Variants in C5 observed in about 807,000 individuals in gnomAD.
The protein encoded by C5 is complement C5.
C5 carries 140 observed loss-of-function variants against 218.8 expected under a neutral mutation model. The ratio of observed to expected loss-of-function variants is 0.64; its 90% CI spans 0.56 to 0.74. C5 has a LOEUF of 0.74. Ranked by LOEUF, C5 falls within the 30% of genes least tolerant of loss-of-function variation. The pLI, the probability that C5 is intolerant of heterozygous loss-of-function variation, is 0.00. For missense variants in C5, 1,700 were observed against 1,969.6 expected, an observed-to-expected ratio of 0.86 and a Z score of 2.59; for synonymous variants, 614 against 682.3, an observed-to-expected ratio of 0.90 and a Z score of 1.56.
intron 27 of C5, among the ~76,000 whole-genome samples, chr9:120,980,659 C>T (rs13290556): frequency 0.14 from 21,570 of 152,040 alleles, 1,941 homozygotes; most frequent in African/African-American, 0.24. Context: ...GCTGCGATCT[C>T]GGCTCACTGC....
At position 120,974,801 on chromosome 9, in the gene C5, T is replaced by G; in HGVS notation, c.3995A>C (p.Asn1332Thr). Residue 1332 changes from asparagine (N) to threonine (T), a missense_variant, in exon 30 of 41, where the codon AAT (asparagine) becomes ACT (threonine). By Grantham distance (65) the Asn-to-Thr change is moderately conservative (BLOSUM62 0). Coordinates refer to ENST00000223642, the MANE Select transcript of C5 (RefSeq NM_001735.3). ...TACCTCTACTGGCCTCCCAAGGAAATTCTTGTCTGTCATTTTATAATTATG... is the reference window on the plus strand; with the variant it reads ...TACCTCTACTGGCCTCCCAAGGAAAGTCTTGTCTGTCATTTTATAATTATG... ...ALHNYKMTDK[N>T]FLGRPVEVLL... is the part of the protein sequence containing the mutation. The G allele has an allele frequency of 3.1e-6, 5 of 1,613,924 alleles. No individual in the cohort carries two copies. Among genetic ancestry groups the G allele is most frequent in the Non-Finnish European group, 4.2e-6 (5 of 1,179,806 alleles).
At chr9:120,995,135 C>G (rs2047106953) in intron 22 of C5, among the ~76,000 whole-genome samples, 1 of 152,092 alleles carries the variant, frequency 6.6e-6, no homozygotes, top group Non-Finnish European at 1.5e-5. Flanking sequence ...CTTTTTATTG[C>G]TCTACTGAAA....
upstream of C5, among the ~76,000 whole-genome samples, chr9:121,053,346 G>A (rs2131834256): frequency 6.6e-6 from 1 of 152,274 alleles, no homozygotes; most frequent in Non-Finnish European, 1.5e-5. Flanking sequence ...TCTACTAAAA[G>A]GCCAACTGAA....
At chr9:121,045,949 T>G (rs1345405304) in intron 2 of C5, among the ~76,000 whole-genome samples, 1 of 152,132 alleles carries the variant, frequency 6.6e-6, no homozygotes, top group African/African-American at 2.4e-5. Flanking sequence ...CAATTTTATT[T>G]TCCAATAAGA....
At position 121,018,252 on chromosome 9, in the gene C5, C is replaced by CAAA. The variant is rs1189613789; in HGVS notation, c.1507-403_1507-401dup. On this transcript the variant is annotated intron_variant, in intron 12 of 40. Transcript: ENST00000223642. ...TGTGCAACAGAGCAAGACTCTGTCT[C>CAAA]AAAAAAAAAAAAAAAAAAAAAAAAA... Among the ~76,000 whole-genome samples, 173 of 42,176 alleles carry CAAA rather than the reference C, an allele frequency of 4.1e-3. 4 individuals are homozygous for CAAA. Among genetic ancestry groups the CAAA allele is most frequent in the African/African-American group, 0.015 (159 of 10,884 alleles). The allele number at this position is 42,176 out of a possible 152,430, so 27.7% of individuals were successfully genotyped here.
intron 20 of C5, among the ~76,000 whole-genome samples, chr9:121,004,744 G>A (rs147150764): frequency 3.9e-5 from 6 of 152,060 alleles, no homozygotes; most frequent in Non-Finnish European, 7.4e-5. Context: ...CTGCACTCCA[G>A]CCTGGGCAAT....
chr9:121,041,297 C>CTTTTTTTTTTTTTTTTTTTTT (rs386416117), intron 3 of C5, among the ~76,000 whole-genome samples: 1 of 72,678 alleles, frequency 1.4e-5, no homozygotes, highest in Non-Finnish European at 2.4e-5. Flanking sequence ...TACATGAAGC[C>CTTTTTTTTTTTTTTTTTTTTT]TTTTTTTTTT....
chr9:120,954,665 C>T (rs979629469), intron 39 of C5, among the ~76,000 whole-genome samples: 6 of 152,170 alleles, frequency 3.9e-5, no homozygotes, highest in African/African-American at 1.2e-4. Flanking sequence ...TCTGATTTAT[C>T]GCTATATATA....
At chr9:121,072,168 C>T in the C5 span, among the ~76,000 whole-genome samples, 1 of 152,130 alleles carries the variant, frequency 6.6e-6, no homozygotes, top group African/African-American at 2.4e-5. Context: ...CAACATGGGA[C>T]CGGTGAGTGC....
chr9:121,042,310 G>T (rs1175303896), intron 3 of C5, among the ~76,000 whole-genome samples: 1 of 152,170 alleles, frequency 6.6e-6, no homozygotes, highest in Non-Finnish European at 1.5e-5. Context: ...ACATGATTTT[G>T]ATTGGCTATT....
intron 21 of C5, among the ~76,000 whole-genome samples, chr9:120,996,954 TA>T (rs1425441823): frequency 2.0e-5 from 3 of 151,818 alleles, no homozygotes; most frequent in African/African-American, 4.8e-5. Flanking sequence ...TAAAATTACA[TA>T]AAAATATTAA....
At chr9:120,953,028 A>G (rs2046757496) in intron 40 of C5, among the ~76,000 whole-genome samples, 160 bp from the exon 41 acceptor site, 1 of 152,106 alleles carries the variant, frequency 6.6e-6, no homozygotes, top group East Asian at 1.9e-4. Flanking sequence ...GGTTCACGCC[A>G]TTCTCCTGCC....
chr9:121,043,152 T>C lies in C5; in HGVS notation c.273A>G (p.Gln91=). ...NSAILTIQPK[Q]LPGGQNPVSY... is the part of the protein sequence containing the mutation. ...AAACTGGGTTTTGTCCTCCAGGCAA[T>C]TGTTTTGGTTGTATCTGGAAAAGAA... is the stretch of plus-strand genomic sequence containing the variant. The change falls in exon 3 of 41, where the codon CAA becomes CAG. Residue 91 remains glutamine, a synonymous_variant. Transcript: ENST00000223642. 3 of 1,612,610 alleles carry C rather than the reference T, an allele frequency of 1.9e-6. No homozygotes were observed. Among genetic ancestry groups the C allele is most frequent in the South Asian group, 2.2e-5 (2 of 90,970 alleles).
chr9:121,033,804 G>A (rs2047499183), intron 5 of C5, among the ~76,000 whole-genome samples: 1 of 152,174 alleles, frequency 6.6e-6, no homozygotes, highest in Non-Finnish European at 1.5e-5. Context: ...TTCTAGTGCA[G>A]CCATGTATAG....
intron 17 of C5, among the ~76,000 whole-genome samples, chr9:121,011,360 A>C (rs2047260546): frequency 6.6e-6 from 1 of 152,200 alleles, no homozygotes; most frequent in Non-Finnish European, 1.5e-5. Flanking sequence ...AAATGGCAAA[A>C]AAGCATGTGA....
At chr9:120,971,255 C>T (rs1300437524) in intron 31 of C5, among the ~76,000 whole-genome samples, 2 of 150,960 alleles carry the variant, frequency 1.3e-5, no homozygotes, top group Non-Finnish European at 2.9e-5. Flanking sequence ...ACACATAAAT[C>T]CCCCAAAATC....
intron 39 of C5, 85 bp downstream of exon 39, chr9:120,957,200 C>G (rs1366385703): frequency 4.3e-6 from 4 of 920,914 alleles, no homozygotes; most frequent in Non-Finnish European, 7.2e-6. Context: ...TGAGTTGTAT[C>G]TTCTGTGTTT....
chr9:121,051,476 T>A (rs1375985906), upstream of C5, among the ~76,000 whole-genome samples: 2 of 152,148 alleles, frequency 1.3e-5, no homozygotes, highest in Non-Finnish European at 1.5e-5. Flanking sequence ...AGAATTTTTT[T>A]ATTTACTACC....
At chr9:121,011,118 A>T (rs146779509) in intron 17 of C5, among the ~76,000 whole-genome samples, 2 of 152,332 alleles carry the variant, frequency 1.3e-5, no homozygotes, top group Non-Finnish European at 2.9e-5. Context: ...ACCAAAGCCA[A>T]AATGGACAAA....
Sources: allele counts gnomAD v4.1 joint callset (sites outside exome capture counted in the v4.1 genomes callset), GRCh38; gene constraint gnomAD v4.1.1; transcripts MANE v1.5; gene names NCBI Gene and HGNC (gene_info 2026-07-23, HGNC 2026-07-21).